The following UTRN variants were observed in gnomAD, a reference collection of about 807,000 sequenced individuals.
The protein encoded by UTRN is utrophin.
UTRN carries 283 observed loss-of-function variants against 463.9 expected under a neutral mutation model. The observed-to-expected ratio is 0.61, with a 90% confidence interval of 0.55 to 0.67. The LOEUF (loss-of-function observed/expected upper bound fraction) is 0.67, where lower values mean the gene tolerates loss of function less well. UTRN is among the 30% of genes least tolerant of loss of function. The pLI is 0.00. For missense variants in UTRN, 3,922 were observed against 4,084.3 expected (o/e 0.96, Z 1.08); for synonymous variants, 1,442 against 1,431.5 (o/e 1.01, Z -0.17).
intron 51 of UTRN, among the ~76,000 whole-genome samples, chr6:144,613,652 C>T (rs1021741346): frequency 7.2e-5 from 11 of 151,930 alleles, no homozygotes; most frequent in Admixed American, 2.0e-4. Context: ...AAAGGACTTT[C>T]TAGAGTGTTA....
At chr6:144,476,218 C>T (rs529597822) in intron 25 of UTRN, among the ~76,000 whole-genome samples, 34 of 151,102 alleles carry the variant, frequency 2.3e-4, no homozygotes, top group Admixed American at 2.0e-3. Context: ...CCTCCCAAAG[C>T]GTGGAGATCA....
intron 51 of UTRN, among the ~76,000 whole-genome samples, chr6:144,592,745 T>C (rs1803233429): frequency 6.6e-6 from 1 of 152,176 alleles, no homozygotes; most frequent in African/African-American, 2.4e-5. Context: ...ACTACCAGCT[T>C]GAATGCCTGA....
At chr6:144,369,400 C>T (rs111433547) in intron 2 of UTRN, among the ~76,000 whole-genome samples, 18,140 of 152,184 alleles carry the variant, frequency 0.12, 1,496 homozygotes, top group African/African-American at 0.23. Context: ...GGGCAGATCA[C>T]GAGGTCAAGA....
intron 63 of UTRN, among the ~76,000 whole-genome samples, chr6:144,794,982 A>T (rs1380717054): frequency 6.6e-6 from 1 of 152,142 alleles, no homozygotes; most frequent in Non-Finnish European, 1.5e-5. Context: ...TCAACCCATC[A>T]TCTACATTAG....
rs142112258 is a variant in UTRN at position 144,492,610 on chromosome 6, G to A, written c.4438-691G>A. ...GATATTTCCAAACTGCTTTCCCTAG[G>A]GGCTGAACTGATTTACAATCCTACC... On this transcript the variant is annotated intron_variant, in intron 32 of 74. Transcript: ENST00000367545. Among the ~76,000 whole-genome samples the A allele has an allele frequency of 3.8e-3, 580 of 152,202 alleles. 1 individual carries two copies. Among genetic ancestry groups the A allele is most frequent in the African/African-American group, 0.013 (551 of 41,520 alleles).
In UTRN at chr6:144,585,126, G is replaced by T. The variant is rs551406300; in HGVS notation, c.7479+7838G>T. Among the ~76,000 whole-genome samples, 8 of 152,162 alleles carry T rather than the reference G, an allele frequency of 5.3e-5. No individual in the cohort carries two copies. The South Asian group carries it at 6.2e-4, about 12-fold the overall frequency. ...CAGAAGTCAAGTATTGGAGAAAGTT[G>T]CTAATTAGTTTGCTAATTCTACCGC... On this transcript the variant is annotated intron_variant, in intron 51 of 74. Coordinates refer to ENST00000367545, the MANE Select transcript of UTRN (RefSeq NM_007124.3).
At chr6:144,570,571 A>C (rs959863831) in intron 50 of UTRN, among the ~76,000 whole-genome samples, 2 of 152,210 alleles carry the variant, frequency 1.3e-5, no homozygotes, top group African/African-American at 4.8e-5. Flanking sequence ...CAAAACAACT[A>C]AAATTTGTTT....
chr6:144,770,914 G>A (rs1168495122), intron 58 of UTRN, among the ~76,000 whole-genome samples: 2 of 152,154 alleles, frequency 1.3e-5, no homozygotes, highest in African/African-American at 4.8e-5. Flanking sequence ...TTGCACTGAG[G>A]AAAGTTCGAC....
At chr6:144,794,064 A>G (rs945452882) in intron 63 of UTRN, 73 bp downstream of exon 63, 3 of 1,549,940 alleles carry the variant, frequency 1.9e-6, no homozygotes, top group African/African-American at 2.7e-5. Flanking sequence ...GACATGGAAT[A>G]GGGAACTCGG....
At chr6:144,640,198 C>T (rs1229321132) in intron 51 of UTRN, among the ~76,000 whole-genome samples, 3 of 152,124 alleles carry the variant, frequency 2.0e-5, no homozygotes, top group Admixed American at 6.6e-5. Context: ...CATCTCCCCC[C>T]TCCACCTTAA....
At chr6:144,292,726 A>G (rs528141623) in intron 2 of UTRN, among the ~76,000 whole-genome samples, 15 of 152,362 alleles carry the variant, frequency 9.8e-5, no homozygotes, top group African/African-American at 3.1e-4. Context: ...TGTGAACACT[A>G]TACTTAAGTA....
At chr6:144,552,140 A>C (rs537996637) in intron 48 of UTRN, among the ~76,000 whole-genome samples, 1 of 152,372 alleles carries the variant, frequency 6.6e-6, no homozygotes, top group Non-Finnish European at 1.5e-5. Context: ...CAAAATATAA[A>C]CTGGAAGGAT....
chr6:144,447,002 T>C (rs1446421430), intron 14 of UTRN, among the ~76,000 whole-genome samples: 1 of 152,214 alleles, frequency 6.6e-6, no homozygotes, highest in Non-Finnish European at 1.5e-5. Context: ...TGTCTGATTG[T>C]TCTGTTACAA....
intron 50 of UTRN, among the ~76,000 whole-genome samples, chr6:144,564,976 A>T (rs1447982293): frequency 2.0e-5 from 3 of 152,106 alleles, no homozygotes; most frequent in Non-Finnish European, 2.9e-5. Context: ...TCTGGATCTT[A>T]TGTGGATAAT....
Position 144,835,778 on chromosome 6 carries a change from A to G in UTRN, c.9666-2A>G, listed in dbSNP as rs1449163527. ...CTGGGTCTGTTTCCTTTGTCTTGCT[A>G]GGGAAGACGAGCACGCCCTCATCCA... is the stretch of plus-strand genomic sequence containing the variant. On this transcript the variant is annotated splice_acceptor_variant, in intron 69 of 74. Coordinates refer to ENST00000367545, the MANE Select transcript of UTRN (RefSeq NM_007124.3). LOFTEE classifies it high-confidence loss of function. The G allele has an allele frequency of 6.2e-7, 1 of 1,613,858 alleles. No individual in the cohort carries two copies. The highest frequency in any genetic ancestry group is 1.7e-5 in the Admixed American group (1 of 59,990).
intron 26 of UTRN, among the ~76,000 whole-genome samples, 179 bp from the exon 27 acceptor site, chr6:144,482,030 C>T (rs535924379): frequency 6.6e-6 from 1 of 152,084 alleles, no homozygotes; most frequent in African/African-American, 2.4e-5. Flanking sequence ...AAAACAAAAA[C>T]AAAAACAAAA....
intron 51 of UTRN, among the ~76,000 whole-genome samples, chr6:144,653,237 A>G (rs866441274): frequency 1.3e-5 from 2 of 152,086 alleles, no homozygotes; most frequent in African/African-American, 4.8e-5. Context: ...TTTGGCGTAT[A>G]CATAGGATAT....
At chr6:144,324,450 C>T (rs181691556) in intron 2 of UTRN, among the ~76,000 whole-genome samples, 8 of 152,270 alleles carry the variant, frequency 5.3e-5, no homozygotes, top group Admixed American at 2.6e-4. Context: ...TCAAATTGGA[C>T]TTAATCATAA....
intron 51 of UTRN, among the ~76,000 whole-genome samples, chr6:144,592,667 C>T (rs1223998225): frequency 6.6e-6 from 1 of 152,154 alleles, no homozygotes; most frequent in Non-Finnish European, 1.5e-5. Flanking sequence ...CCGTGCCCAG[C>T]CAATGAAAAG....
Sources: allele counts gnomAD v4.1 joint callset (sites outside exome capture counted in the v4.1 genomes callset), GRCh38; gene constraint gnomAD v4.1.1; transcripts MANE v1.5; gene names NCBI Gene and HGNC (gene_info 2026-07-23, HGNC 2026-07-21).